ELF5: variants seen among roughly 807,000 people sequenced by gnomAD.
ELF5 encodes the protein ETS-related transcription factor Elf-5.
In ELF5, 31 loss-of-function variants were observed where a neutral mutation model predicts 38.2. The ratio of observed to expected loss-of-function variants is 0.81; its 90% CI spans 0.61 to 1.10. ELF5 has a LOEUF of 1.10. Ranked by LOEUF, ELF5 falls within the 50% of genes least tolerant of loss-of-function variation. The pLI is 0.00. For missense variants in ELF5, 300 were observed against 306.6 expected (o/e 0.98, Z 0.16); for synonymous variants, 121 against 112.5 (o/e 1.08, Z -0.48).
rs764751323 is a variant in ELF5, at chr11:34,493,668, T to C, written c.166A>G (p.Lys56Glu). Reference sequence around the variant, plus strand: ...TGGAGCCACTCCCACACATGGCGCTTAGTCCAGTATTCAGGGTGGACTGAT... The same window carrying C: ...TGGAGCCACTCCCACACATGGCGCTCAGTCCAGTATTCAGGGTGGACTGAT... The part of the protein sequence containing the change: ...WTSVHPEYWT[K>E]RHVWEWLQFC... Residue 56 changes from lysine to glutamate, a missense_variant, in exon 3 of 7, where the codon AAG (lysine) becomes GAG (glutamate). Coordinates refer to ENST00000257832, the MANE Select transcript of ELF5 (RefSeq NM_001422.4). 2 of 1,614,220 alleles carry C rather than the reference T, an allele frequency of 1.2e-6. No individual in the cohort carries two copies. Among genetic ancestry groups the C allele is most frequent in the South Asian group, 2.2e-5 (2 of 91,084 alleles).
At chr11:34,486,568 ATG>A (rs143752050) in intron 4 of ELF5, among the ~76,000 whole-genome samples, 5 of 152,048 alleles carry the variant, frequency 3.3e-5, no homozygotes, top group East Asian at 3.9e-4. Context: ...CTATGTGAAT[ATG>A]TGTGTGTGTG....
At position 34,480,125 on chromosome 11, in the gene ELF5, A is replaced by AAG; in HGVS notation, c.*91_*92dup. 9.6e-7 allele frequency: 1 copy of AAG among 1,045,710 alleles called. No homozygotes were observed. Among genetic ancestry groups the AAG allele is most frequent in the Non-Finnish European group, 1.4e-6 (1 of 701,718 alleles). 64.8% of individuals were successfully genotyped at this position (1,045,710 alleles called of 1,614,324 possible). On this transcript the variant is annotated 3_prime_UTR_variant, in exon 7 of 7. Coordinates refer to ENST00000257832, the MANE Select transcript of ELF5 (RefSeq NM_001422.4). ...TCAGCATGTTTGCAGGTTAAAAAAAAAGAGAAGAAAATGAAGCCTTTCGAA... is the reference window on the plus strand; with the variant it reads ...TCAGCATGTTTGCAGGTTAAAAAAAAAGAGAGAAGAAAATGAAGCCTTTCGAA...
intron 2 of ELF5, among the ~76,000 whole-genome samples, chr11:34,498,352 AT>A (rs72228654): frequency 0.028 from 4,155 of 148,728 alleles, 189 homozygotes; most frequent in African/African-American, 0.095. Context: ...AACACTTCTA[AT>A]TTTTTTTTTT....
At chr11:34,485,856 C>G (rs1849980023) in intron 4 of ELF5, among the ~76,000 whole-genome samples, 1 of 152,126 alleles carries the variant, frequency 6.6e-6, no homozygotes, top group African/African-American at 2.4e-5. Flanking sequence ...ATCTGTAGCA[C>G]CACCGTGAAC....
chr11:34,500,092 C>T (rs776252670), intron 2 of ELF5, among the ~76,000 whole-genome samples: 6 of 152,166 alleles, frequency 3.9e-5, no homozygotes, highest in East Asian at 1.9e-4. Context: ...TACATTTGTT[C>T]TCAGGGAAAC....
At chr11:34,498,253 G>A (rs1850363834) in intron 2 of ELF5, among the ~76,000 whole-genome samples, 1 of 152,208 alleles carries the variant, frequency 6.6e-6, no homozygotes, top group Admixed American at 6.5e-5. Context: ...CATATGGCAA[G>A]TGCTCATTAA....
At chr11:34,500,771 A>G (rs1850445123) in intron 2 of ELF5, among the ~76,000 whole-genome samples, 1 of 152,218 alleles carries the variant, frequency 6.6e-6, no homozygotes, top group Non-Finnish European at 1.5e-5. Context: ...TTTCCTTTGT[A>G]TCTGCTCTCA....
intron 2 of ELF5, among the ~76,000 whole-genome samples, chr11:34,495,583 C>A (rs1220386467): frequency 6.6e-6 from 1 of 152,224 alleles, no homozygotes; most frequent in Non-Finnish European, 1.5e-5. Flanking sequence ...TCTTTTACCA[C>A]CGAAGGGTGG....
At chr11:34,481,096 C>G in intron 5 of ELF5, 129 bp from the exon 6 acceptor site, 1 of 649,676 alleles carries the variant, frequency 1.5e-6, no homozygotes, top group Non-Finnish European at 2.3e-6. Context: ...GATCTCGGCT[C>G]ACTGCAACCT....
At position 34,509,830 on chromosome 11, in the gene ELF5, T is replaced by C. The variant is rs185556694; in HGVS notation, c.-5+3847A>G. On this transcript the variant is annotated intron_variant, in intron 1 of 6. Transcript: ENST00000257832. ...TGGCAGGCCTGTGATATGACCTTCT[T>C]TGGGTTGGGAGAAAGGAGAGGTGAA... Among the ~76,000 whole-genome samples, 153 of 152,168 alleles carry C rather than the reference T, an allele frequency of 1.0e-3. 1 individual carries two copies. Among genetic ancestry groups the C allele is most frequent in the African/African-American group, 3.4e-3 (140 of 41,500 alleles).
chr11:34,486,448 T>G (rs573071984), intron 4 of ELF5, among the ~76,000 whole-genome samples: 1 of 152,316 alleles, frequency 6.6e-6, no homozygotes, highest in African/African-American at 2.4e-5. Flanking sequence ...AAAATCATCC[T>G]GTTGTTTGAA....
chr11:34,482,575 C>A (rs1333480152), intron 4 of ELF5, 76 bp from the exon 5 acceptor site: 11 of 1,200,046 alleles, frequency 9.2e-6, no homozygotes, highest in Non-Finnish European at 1.2e-5. Flanking sequence ...CCCAAATGAG[C>A]AAATACTAAT....
chr11:34,503,484 T>A (rs1181183626), intron 2 of ELF5, among the ~76,000 whole-genome samples: 3 of 150,744 alleles, frequency 2.0e-5, no homozygotes, highest in African/African-American at 7.3e-5. Flanking sequence ...TTTATCTCAC[T>A]GTCGCTCAGG....
intron 3 of ELF5, chr11:34,492,077 T>C (rs182658254): frequency 5.3e-5 from 8 of 152,372 alleles, no homozygotes; most frequent in African/African-American, 1.9e-4. Flanking sequence ...CTAGGATTTT[T>C]GTGCGAGCCT....
intron 4 of ELF5, among the ~76,000 whole-genome samples, chr11:34,485,732 C>T (rs546572745): frequency 1.3e-5 from 2 of 152,158 alleles, no homozygotes; most frequent in Admixed American, 1.3e-4. Flanking sequence ...CATTGGTTGA[C>T]TAGTCAAGGC....
Position 34,503,305 on chromosome 11 carries a change from C to T in ELF5, c.121+2324G>A, listed in dbSNP as rs113626627. On this transcript the variant is annotated intron_variant, in intron 2 of 6. Transcript: ENST00000257832. Reference sequence around the variant, plus strand: ...TCCCGAGTAGCTGGGACTACAGGTGCGTGCCACCATGCCCAGCTAATTTTT... The same window carrying T: ...TCCCGAGTAGCTGGGACTACAGGTGTGTGCCACCATGCCCAGCTAATTTTT... Among the ~76,000 whole-genome samples the T allele has an allele frequency of 2.8e-3, 402 of 145,056 alleles. 1 individual carries two copies. Among genetic ancestry groups the T allele is most frequent in the African/African-American group, 9.5e-3 (370 of 39,110 alleles).
At position 34,480,806 on chromosome 11, in the gene ELF5, T is replaced by A; in HGVS notation, c.637A>T (p.Arg213Ter). Residue 213 changes from arginine to a stop codon, truncating the protein, a stop_gained, in exon 6 of 7, where the codon AGA (arginine) becomes TGA (stop). Coordinates refer to ENST00000257832, the MANE Select transcript of ELF5 (RefSeq NM_001422.4). LOFTEE classifies it high-confidence loss of function. ...CTGCTCAACTTTTCATATGTCATTC[T>A]GTCATTTTTCTTCCTTTGTCCCCAC... Reference protein sequence around the residue: ...KMWGQRKKNDRMTYEKLSRAL... With the variant: ...KMWGQRKKND 6.2e-7 allele frequency: 1 copy of A among 1,614,134 alleles called. No individual in the cohort carries two copies. The highest frequency in any genetic ancestry group is 8.5e-7 in the Non-Finnish European group (1 of 1,180,022).
At chr11:34,512,818 C>T (rs1159548999) in intron 1 of ELF5, among the ~76,000 whole-genome samples, 1 of 152,152 alleles carries the variant, frequency 6.6e-6, no homozygotes, top group Non-Finnish European at 1.5e-5. Flanking sequence ...CAAGCGTTCA[C>T]TCGGATGGGC....
At chr11:34,487,323 C>T (rs1850024308) in intron 4 of ELF5, among the ~76,000 whole-genome samples, 1 of 152,114 alleles carries the variant, frequency 6.6e-6, no homozygotes, top group South Asian at 2.1e-4. Context: ...ATGGCACCAA[C>T]CATCAGCAGA....
Sources: gnomAD v4.1 joint callset for allele counts (sites outside exome capture counted in the v4.1 genomes callset) on GRCh38, gnomAD v4.1.1 for gene constraint, MANE v1.5 for transcripts, NCBI Gene and HGNC (gene_info 2026-07-23, HGNC 2026-07-21) for gene names.